The following NPC1 variants were observed in gnomAD, a reference collection of about 807,000 sequenced individuals.
The protein encoded by NPC1 is NPC intracellular cholesterol transporter 1, also known as Niemann-Pick C1 protein.
NPC1 carries 85 observed loss-of-function variants against 140.4 expected under a neutral mutation model. The ratio of observed to expected loss-of-function variants is 0.61; its 90% CI spans 0.51 to 0.72. The LOEUF is 0.72. Among genes scored for constraint, NPC1 ranks in the 30% least tolerant of loss-of-function variants. The probability of loss-of-function intolerance (pLI) is 0.00; values close to 1 mark genes in which losing one functional copy is unlikely to be tolerated. For missense variants in NPC1, 1,504 were observed against 1,623.8 expected (o/e 0.93, Z 1.27); for synonymous variants, 656 against 624.8 (o/e 1.05, Z -0.74).
At chr18:23,553,014 A>G (rs1228520637) in intron 9 of NPC1, among the ~76,000 whole-genome samples, 1 of 152,200 alleles carries the variant, frequency 6.6e-6, no homozygotes, top group African/African-American at 2.4e-5. Context: ...TCAGGTGAAA[A>G]AGTCCAGGAA....
In NPC1 at chr18:23,549,165, C is replaced by T. The variant is rs187347036; in HGVS notation, c.1655-1057G>A. Among the ~76,000 whole-genome samples, 193 of 152,258 alleles carry T rather than the reference C, an allele frequency of 1.3e-3. 1 individual carries two copies. The highest frequency in any genetic ancestry group is 4.3e-3 in the African/African-American group (177 of 41,554). The stretch of plus-strand genomic sequence containing the variant: ...AATTTTGATAAATTCTCCCAAACTG[C>T]CTTCCAAAGAAGCTTAACTATTTTT... On this transcript the variant is annotated intron_variant, in intron 10 of 24. Transcript: ENST00000269228.
At chr18:23,573,165 G>A (rs1002524378) in intron 2 of NPC1, among the ~76,000 whole-genome samples, 4 of 152,218 alleles carry the variant, frequency 2.6e-5, no homozygotes, top group African/African-American at 9.7e-5. Context: ...TTTTGCAGAT[G>A]CTGCAAGGGC....
At chr18:23,512,049 C>A (rs1246423992) in intron 3 of NPC1, among the ~76,000 whole-genome samples, 1 of 141,006 alleles carries the variant, frequency 7.1e-6, no homozygotes. Flanking sequence ...GAGACAGAGT[C>A]TCACTCCGTC....
rs1163852515 is a variant in NPC1 at position 23,538,695 on chromosome 18, C to T, written c.2912-24G>A. 2.5e-6 allele frequency: 4 copies of T among 1,613,372 alleles called. No individual in the cohort carries two copies. The Admixed American group carries it at 6.7e-5, about 27-fold the overall frequency. ...CACTGGCGGAGACATGCAGGGAGGA[C>T]TGTTAGAAGAATAGGTCTCCAGATT... is the stretch of plus-strand genomic sequence containing the variant. On this transcript the variant is annotated intron_variant, in intron 19 of 24. Coordinates refer to ENST00000269228, the MANE Select transcript of NPC1 (RefSeq NM_000271.5).
At chr18:23,559,178 A>G (rs1231008107) in intron 6 of NPC1, among the ~76,000 whole-genome samples, 1 of 152,178 alleles carries the variant, frequency 6.6e-6, no homozygotes, top group Non-Finnish European at 1.5e-5. Flanking sequence ...TGCCGCTATA[A>G]ACATACGTGT....
intron 23 of NPC1, chr18:23,533,779 T>TA: frequency 2.1e-6 from 1 of 476,698 alleles, no homozygotes; most frequent in East Asian, 4.1e-5. Flanking sequence ...GTGCTGGGGT[T>TA]ATAGGCATGA....
At chr18:23,575,769 C>CAAAAAAA (rs35922440) in intron 1 of NPC1, among the ~76,000 whole-genome samples, 1,448 of 35,088 alleles carry the variant, frequency 0.041, 196 homozygotes, top group Non-Finnish European at 0.064. Flanking sequence ...CAGAGAAGAC[C>CAAAAAAA]AAAAAAAAAA....
downstream of NPC1, chr18:23,526,886 A>C: frequency 7.5e-7 from 1 of 1,334,100 alleles, no homozygotes; most frequent in East Asian, 2.4e-5. Context: ...CTCATTCTTT[A>C]TGTGAGGGGT....
chr18:23,517,261 T>C (rs1205503301), intron 3 of NPC1, among the ~76,000 whole-genome samples: 1 of 152,036 alleles, frequency 6.6e-6, no homozygotes. Flanking sequence ...GCGATTCTCC[T>C]GCCTCAGCCT....
rs73392120 is a variant in NPC1 at position 23,541,062 on chromosome 18, G to A, written c.2514+6C>T. The A allele has an allele frequency of 2.6e-3, 4,155 of 1,613,974 alleles. 96 individuals are homozygous for A. In the African/African-American group the frequency reaches 0.05, roughly 19 times the overall value. The stretch of plus-strand genomic sequence containing the variant: ...GGAAAGAGAAAAACCACAGATAAGC[G>A]CATACCACAATTGGTCTCATCCAGT... On this transcript the variant is annotated splice_donor_region_variant and intron_variant, in intron 16 of 24. Coordinates refer to ENST00000269228, the MANE Select transcript of NPC1 (RefSeq NM_000271.5).
At chr18:23,579,590 TA>T (rs966720762) in intron 1 of NPC1, among the ~76,000 whole-genome samples, 9 of 151,638 alleles carry the variant, frequency 5.9e-5, no homozygotes, top group Non-Finnish European at 8.8e-5. Flanking sequence ...CAGGAAAGGT[TA>T]AAAAAAAGCC....
chr18:23,513,367 T>C (rs1208365461), intron 3 of NPC1, among the ~76,000 whole-genome samples: 1 of 152,258 alleles, frequency 6.6e-6, no homozygotes, highest in Non-Finnish European at 1.5e-5. Flanking sequence ...TGCCATAGCA[T>C]GTGATAGGGT....
intron 1 of NPC1, among the ~76,000 whole-genome samples, chr18:23,585,964 A>G (rs1010827844): frequency 6.6e-6 from 1 of 152,192 alleles, no homozygotes; most frequent in African/African-American, 2.4e-5. Flanking sequence ...AATTTTTTAA[A>G]AAGCAAGTAG....
chr18:23,544,168 G>T (rs532599335), intron 13 of NPC1, among the ~76,000 whole-genome samples, 176 bp downstream of exon 13: 27 of 152,080 alleles, frequency 1.8e-4, no homozygotes, highest in South Asian at 1.0e-3. Context: ...CCAAAAAGAG[G>T]GGTGAAATTC....
At chr18:23,526,679 A>G (rs752651387), downstream of NPC1, 4 of 1,614,014 alleles carry the variant, frequency 2.5e-6, no homozygotes, top group East Asian at 8.9e-5. Context: ...CCCATAGTAA[A>G]TCTCTTACCA....
chr18:23,572,448 T>A (rs917365646), intron 2 of NPC1, among the ~76,000 whole-genome samples: 6 of 124,470 alleles, frequency 4.8e-5, no homozygotes, highest in African/African-American at 2.4e-4. Context: ...CTTAGGGTTT[T>A]TTGTTTGTTT....
At position 23,544,943 on chromosome 18, in the gene NPC1, A is replaced by ACGCC; in HGVS notation, c.1947+16_1947+17insGGCG. On this transcript the variant is annotated intron_variant, in intron 12 of 24. Transcript: ENST00000269228. The stretch of plus-strand genomic sequence containing the variant: ...GCTGTTAACCTCTAGAACATACACC[A>ACGCC]CCCCCCCCCGGCTTACCAGAAGCCT... 3.9e-6 allele frequency: 4 copies of ACGCC among 1,032,986 alleles called. No homozygotes were observed. The South Asian group carries it at 4.0e-5, about 10-fold the overall frequency. The allele number at this position is 1,032,986 out of a possible 1,614,324, so 64.0% of individuals were successfully genotyped here. A position where few individuals can be genotyped will look rare whatever the true frequency, so the allele number is the denominator to read the frequency against.
chr18:23,561,984 C>T (rs979831017), intron 4 of NPC1, among the ~76,000 whole-genome samples: 8 of 152,102 alleles, frequency 5.3e-5, no homozygotes, highest in East Asian at 1.9e-4. Context: ...GCAGAGGTCA[C>T]GTGTCAATAA....
At chr18:23,584,286 G>C (rs764679988) in intron 1 of NPC1, among the ~76,000 whole-genome samples, 4 of 152,108 alleles carry the variant, frequency 2.6e-5, no homozygotes, top group Non-Finnish European at 4.4e-5. Flanking sequence ...TGCTATCATC[G>C]GTACGAATTC....
Sources: gnomAD v4.1 joint callset for allele counts (sites outside exome capture counted in the v4.1 genomes callset) on GRCh38, gnomAD v4.1.1 for gene constraint, MANE v1.5 for transcripts, NCBI Gene and HGNC (gene_info 2026-07-23, HGNC 2026-07-21) for gene names.